The following JAML variants were observed in gnomAD, a reference collection of about 807,000 sequenced individuals.
The protein encoded by JAML is junctional adhesion molecule-like.
JAML carries 25 observed loss-of-function variants against 39.3 expected under a neutral mutation model. The observed-to-expected ratio is 0.64, with a 90% CI of 0.46 to 0.89. JAML has a LOEUF of 0.89. Ranked by LOEUF, JAML falls within the 40% of genes least tolerant of loss-of-function variation. JAML has a pLI of 0.00. For missense variants in JAML, 440 were observed against 486.9 expected (o/e 0.90, Z 0.91); for synonymous variants, 162 against 179.2 (o/e 0.90, Z 0.77).
chr11:118,200,991 T>A (rs1002309610), intron 6 of JAML: 2 of 186,244 alleles, frequency 1.1e-5, no homozygotes, highest in Non-Finnish European at 2.3e-5. Context: ...GCCGCAAGAC[T>A]CAGCCCCACA....
At position 118,203,480 on chromosome 11, in the gene JAML, G is replaced by A; in HGVS notation, c.720C>T (p.Asn240=). 1 of 1,614,156 alleles carries A rather than the reference G, an allele frequency of 6.2e-7. No homozygotes were observed. ...GCACAATGGTTTTCTTGAACACCAG[G>A]TTCCCTAGGTGGATACTGCAGGTGT... ...GNYTCSIHLG[N]LVFKKTIVLH... Residue 240 remains asparagine, a synonymous_variant, in exon 6 of 10, where the codon AAC becomes AAT. Coordinates refer to ENST00000356289, the MANE Select transcript of JAML (RefSeq NM_001098526.2).
chr11:118,216,886 C>T (rs1225277698), intron 1 of JAML, among the ~76,000 whole-genome samples: 1 of 152,170 alleles, frequency 6.6e-6, no homozygotes, highest in Non-Finnish European at 1.5e-5. Context: ...ATTCCTGCTC[C>T]GTGCCACCCA....
intron 1 of JAML, among the ~76,000 whole-genome samples, chr11:118,218,171 G>T (rs914597064): frequency 3.3e-5 from 5 of 152,096 alleles, no homozygotes; most frequent in African/African-American, 1.2e-4. Context: ...TCAGCTCACC[G>T]CAACCTCCGC....
intron 6 of JAML, chr11:118,203,197 C>T (rs1343528154): frequency 4.4e-6 from 3 of 674,474 alleles, no homozygotes; most frequent in Non-Finnish European, 8.2e-6. Context: ...AATTAGCTCC[C>T]CTCCCCTTGG....
chr11:118,207,109 A>T (rs1948932826), intron 4 of JAML, among the ~76,000 whole-genome samples: 1 of 152,254 alleles, frequency 6.6e-6, no homozygotes, highest in South Asian at 2.1e-4. Context: ...AATCTATGGA[A>T]GGAATTATTT....
chr11:118,196,152 CAG>C (rs1158980342), intron 9 of JAML, among the ~76,000 whole-genome samples: 2 of 131,906 alleles, frequency 1.5e-5, no homozygotes, highest in African/African-American at 2.9e-5. Context: ...TTTTTTGAAA[CAG>C]AGTCTTACTC....
chr11:118,197,893 G>T, intron 8 of JAML, 105 bp downstream of exon 8: 1 of 1,037,370 alleles, frequency 9.6e-7, no homozygotes, highest in South Asian at 1.3e-5. Flanking sequence ...GCCAAGCACT[G>T]GCCTGCAAGC....
intron 6 of JAML, 45 bp downstream of exon 6, chr11:118,203,383 C>T (rs560921686): frequency 1.2e-5 from 18 of 1,547,884 alleles, no homozygotes; most frequent in Admixed American, 3.3e-5. Flanking sequence ...GCGCCATGCA[C>T]CAGCCAGGAG....
intron 4 of JAML, among the ~76,000 whole-genome samples, chr11:118,206,450 G>C (rs930331208): frequency 3.3e-5 from 5 of 152,130 alleles, no homozygotes; most frequent in Non-Finnish European, 5.9e-5. Flanking sequence ...CATCTGCTTA[G>C]CATAAACAGG....
At position 118,196,832 on chromosome 11, in the gene JAML, A is replaced by G. The variant is rs746488835; in HGVS notation, c.1006-11T>C. The stretch of plus-strand genomic sequence containing the variant: ...GGAGTAAATGTGTTTCTAGAGGGGG[A>G]AAATGGTACAAAAATTCCTAAAAAT... On this transcript the variant is annotated splice_polypyrimidine_tract_variant and intron_variant, in intron 8 of 9. Coordinates refer to ENST00000356289, the MANE Select transcript of JAML (RefSeq NM_001098526.2). The G allele has an allele frequency of 6.3e-6, 10 of 1,585,098 alleles. No individual in the cohort carries two copies. The highest frequency in any genetic ancestry group is 2.2e-5 in the East Asian group (1 of 44,666).
At chr11:118,200,414 G>A (rs1948758721) in intron 7 of JAML, 60 bp downstream of exon 7, 4 of 1,590,494 alleles carry the variant, frequency 2.5e-6, no homozygotes, top group Middle Eastern at 3.7e-4. Flanking sequence ...TTCTACTTTG[G>A]GGTAGAGGCA....
chr11:118,207,873 T>A (rs938634512), intron 4 of JAML, among the ~76,000 whole-genome samples: 6 of 152,188 alleles, frequency 3.9e-5, no homozygotes, highest in Non-Finnish European at 8.8e-5. Context: ...TCCCTCTGTG[T>A]CTCTTCTAAG....
chr11:118,224,285 T>G (rs1316446386), intron 1 of JAML, among the ~76,000 whole-genome samples: 1 of 152,202 alleles, frequency 6.6e-6, no homozygotes, highest in Non-Finnish European at 1.5e-5. Flanking sequence ...ACCTAAACCA[T>G]CCTGCATCAG....
chr11:118,211,153 C>G (rs1384334086), intron 3 of JAML, among the ~76,000 whole-genome samples: 2 of 152,242 alleles, frequency 1.3e-5, no homozygotes, highest in East Asian at 3.8e-4. Context: ...TGCCACTTTT[C>G]TCATTTCTAC....
At chr11:118,203,833 G>A in intron 5 of JAML, 168 bp from the exon 6 acceptor site, 2 of 618,550 alleles carry the variant, frequency 3.2e-6, no homozygotes, top group South Asian at 1.9e-5. Context: ...ACACACATGT[G>A]CATGCGTGTG....
intron 9 of JAML, 86 bp downstream of exon 9, chr11:118,196,649 C>T: frequency 1.7e-6 from 2 of 1,160,038 alleles, no homozygotes; most frequent in Non-Finnish European, 2.6e-6. Flanking sequence ...CCTCAGCAGC[C>T]TCCCTTGGGC....
intron 5 of JAML, 90 bp downstream of exon 5, chr11:118,205,792 G>T: frequency 8.1e-7 from 1 of 1,241,194 alleles, no homozygotes; most frequent in Non-Finnish European, 1.2e-6. Flanking sequence ...CCAGGCTCTT[G>T]CAACACCTCC....
At chr11:118,202,563 A>T (rs372108688) in intron 6 of JAML, 4 of 199,898 alleles carry the variant, frequency 2.0e-5, no homozygotes, top group East Asian at 2.4e-4. Flanking sequence ...GGAGACATAG[A>T]TATGTTTGTG....
chr11:118,216,887 G>A (rs200629587), intron 1 of JAML, among the ~76,000 whole-genome samples: 1 of 152,066 alleles, frequency 6.6e-6, no homozygotes, highest in East Asian at 1.9e-4. Context: ...TTCCTGCTCC[G>A]TGCCACCCAC....
Sources: gnomAD v4.1 joint callset for allele counts (sites outside exome capture counted in the v4.1 genomes callset) on GRCh38, gnomAD v4.1.1 for gene constraint, MANE v1.5 for transcripts, NCBI Gene and HGNC (gene_info 2026-07-23, HGNC 2026-07-21) for gene names.